Variants in ACOT12 observed in about 807,000 individuals in gnomAD.
ACOT12 encodes acetyl-coenzyme A thioesterase.
A neutral mutation model predicts 67.7 loss-of-function variants in ACOT12; 51 were observed. That is an observed-to-expected ratio of 0.75 (90% CI 0.60 to 0.95). ACOT12 has a LOEUF of 0.95. Among genes scored for constraint, ACOT12 ranks in the 40% least tolerant of loss-of-function variants. The pLI is 0.00. For synonymous variants in ACOT12, 251 were observed against 244.6 expected (o/e 1.03, Z -0.24); for missense variants, 734 against 708.1 (o/e 1.04, Z -0.41).
rs1052582484 is a variant in ACOT12 at position 81,393,915 on chromosome 5, C to CG, written c.127+72_127+73insC. On this transcript the variant is annotated intron_variant, in intron 1 of 14. Coordinates refer to ENST00000307624, the MANE Select transcript of ACOT12 (RefSeq NM_130767.3). ...AAGTACCTTCCTCGCCTTCCTACCC[C>CG]CCCCAGCCCCCAGCCGCCGCCGCTC... is the stretch of plus-strand genomic sequence containing the variant. The CG allele has an allele frequency of 3.2e-6, 4 of 1,268,342 alleles. No individual in the cohort carries two copies. The African/African-American group carries it at 6.3e-5, about 20-fold the overall frequency. 78.6% of individuals were successfully genotyped at this position (1,268,342 alleles called of 1,614,324 possible). A position where few individuals can be genotyped will look rare whatever the true frequency, so the allele number is the denominator to read the frequency against.
chr5:81,351,178 A>G (rs1273083035), intron 5 of ACOT12, among the ~76,000 whole-genome samples: 1 of 152,266 alleles, frequency 6.6e-6, no homozygotes, highest in East Asian at 1.9e-4. Context: ...TGAAAGAAAT[A>G]CACAATCTTA....
At chr5:81,368,084 G>A (rs943037948) in intron 3 of ACOT12, among the ~76,000 whole-genome samples, 1 of 152,136 alleles carries the variant, frequency 6.6e-6, no homozygotes, top group African/African-American at 2.4e-5. Context: ...CTGAGGTCAG[G>A]AGTTCAAGAC....
At chr5:81,312,696 T>C in the ACOT12 span, 4 of 1,501,900 alleles carry the variant, frequency 2.7e-6, no homozygotes, top group Non-Finnish European at 3.7e-6. Flanking sequence ...TACTACCTCA[T>C]TGTTACTTTC....
chr5:81,361,077 C>CA (rs71000820), intron 4 of ACOT12, among the ~76,000 whole-genome samples: 21,634 of 52,070 alleles, frequency 0.42, 4,340 homozygotes, highest in Non-Finnish European at 0.49. Context: ...GACTCCATCT[C>CA]AAAAAAAAAA....
chr5:81,359,561 T>G (rs1389861500), intron 5 of ACOT12, among the ~76,000 whole-genome samples: 1 of 152,216 alleles, frequency 6.6e-6, no homozygotes, highest in East Asian at 1.9e-4. Flanking sequence ...GAGAAACTGC[T>G]TAGTAAGCCA....
At chr5:81,347,713 T>C (rs1248240362) in intron 6 of ACOT12, 61 bp downstream of exon 6, 1 of 1,565,328 alleles carries the variant, frequency 6.4e-7, no homozygotes. Context: ...TGGATCTCAG[T>C]CCCTTTCTAC....
In ACOT12 at chr5:81,334,866, G is replaced by C. The variant is rs115379693; in HGVS notation, c.1262+902C>G. ...CAGGAAAGGGCTGGGGAGTGGAGGA[G>C]ATTGGATTAGGGATGCAGGAGACAG... On this transcript the variant is annotated intron_variant, in intron 12 of 14. Transcript: ENST00000307624. Among the ~76,000 whole-genome samples the C allele has an allele frequency of 7.7e-3, 1,178 of 152,266 alleles. 12 individuals carry two copies. The highest frequency in any genetic ancestry group is 0.027 in the African/African-American group (1,120 of 41,542).
At position 81,331,514 on chromosome 5, in the gene ACOT12, G is replaced by T. The variant is rs562098161; in HGVS notation, c.1392-574C>A. Among the ~76,000 whole-genome samples, 10 of 152,280 alleles carry T rather than the reference G, an allele frequency of 6.6e-5. 1 individual carries two copies. In the South Asian group the frequency reaches 1.9e-3, roughly 28 times the overall value. ...ATTGTGCCATTGCACTCCAGCCTGG[G>T]CAACACATCATCTAAAATAATAATA... On this transcript the variant is annotated intron_variant, in intron 13 of 14. Coordinates refer to ENST00000307624, the MANE Select transcript of ACOT12 (RefSeq NM_130767.3).
In ACOT12 at chr5:81,363,809, G is replaced by A; in HGVS notation, c.339C>T (p.Ala113=). 1 of 1,609,570 alleles carries A rather than the reference G, an allele frequency of 6.2e-7. No homozygotes were observed. Among genetic ancestry groups the A allele is most frequent in the Non-Finnish European group, 8.5e-7 (1 of 1,177,966 alleles). Residue 113 remains alanine, a synonymous_variant, in exon 4 of 15, where the codon GCC becomes GCT. Coordinates refer to ENST00000307624, the MANE Select transcript of ACOT12 (RefSeq NM_130767.3). The part of the protein sequence containing the change: ...LVSVAFSTFV[A]KPVGKEKIHL... Reference sequence around the variant, plus strand: ...TTACCTTTTCTTTTCCAACTGGTTTGGCTACAAATGTGGAGAAAGCCACAC... The same window carrying A: ...TTACCTTTTCTTTTCCAACTGGTTTAGCTACAAATGTGGAGAAAGCCACAC...
the ACOT12 span, among the ~76,000 whole-genome samples, chr5:81,321,284 C>A: frequency 6.6e-6 from 1 of 151,976 alleles, no homozygotes; most frequent in Non-Finnish European, 1.5e-5. Context: ...AAGAAAAAAA[C>A]CAGATAGTGC....
chr5:81,311,216 G>A, the ACOT12 span: 21 of 1,614,012 alleles, frequency 1.3e-5, no homozygotes, highest in African/African-American at 1.2e-4. Context: ...AATAGGTGGC[G>A]GTTGCAAACT....
chr5:81,319,569 T>C, the ACOT12 span, among the ~76,000 whole-genome samples: 1 of 152,132 alleles, frequency 6.6e-6, no homozygotes, highest in South Asian at 2.1e-4. Flanking sequence ...AATACAAAAT[T>C]AGCTGGGCGT....
chr5:81,325,963 C>T (rs1758663303), downstream of ACOT12, among the ~76,000 whole-genome samples: 1 of 151,960 alleles, frequency 6.6e-6, no homozygotes, highest in Admixed American at 6.6e-5. Context: ...GCATGCACCA[C>T]CATGCCTGGT....
intron 5 of ACOT12, among the ~76,000 whole-genome samples, chr5:81,359,314 C>T (rs980894648): frequency 6.6e-6 from 1 of 152,084 alleles, no homozygotes; most frequent in Non-Finnish European, 1.5e-5. Flanking sequence ...CGGGGCTCTG[C>T]CTTTCCCTAC....
intron 6 of ACOT12, among the ~76,000 whole-genome samples, chr5:81,347,320 A>G (rs1759411696): frequency 6.6e-6 from 1 of 152,024 alleles, no homozygotes; most frequent in Admixed American, 6.6e-5. Flanking sequence ...TATGTTTCCC[A>G]AGCTGGTCTT....
In ACOT12 at chr5:81,391,473, C is replaced by T. The variant is rs142446441; in HGVS notation, c.127+2515G>A. Among the ~76,000 whole-genome samples the T allele has an allele frequency of 8.2e-3, 1,242 of 152,252 alleles. 60 individuals are homozygous for T. The highest frequency in any genetic ancestry group is 0.074 in the Admixed American group (1,133 of 15,288). On this transcript the variant is annotated intron_variant, in intron 1 of 14. Transcript: ENST00000307624. ...CCTACTTTTGTTCACTTTTCACCTG[C>T]CTTAAGTCTCTTTTATTTAGTGTTT...
intron 3 of ACOT12, among the ~76,000 whole-genome samples, chr5:81,371,012 C>T (rs546688019): frequency 1.3e-5 from 2 of 152,276 alleles, no homozygotes; most frequent in African/African-American, 4.8e-5. Flanking sequence ...TACCTTCTTA[C>T]TAAAGTCCAG....
intron 7 of ACOT12, 115 bp downstream of exon 7, chr5:81,345,770 A>G (rs1265221126): frequency 2.2e-6 from 3 of 1,372,880 alleles, no homozygotes; most frequent in Non-Finnish European, 3.0e-6. Flanking sequence ...TGAAAATTGC[A>G]TGAAAAAAAT....
chr5:81,349,480 C>T (rs933803445), intron 5 of ACOT12, among the ~76,000 whole-genome samples: 2 of 152,076 alleles, frequency 1.3e-5, no homozygotes, highest in Non-Finnish European at 2.9e-5. Flanking sequence ...CTGCTGTCTA[C>T]GGCAATCCCC....
Sources: allele counts gnomAD v4.1 joint callset (sites outside exome capture counted in the v4.1 genomes callset), GRCh38; gene constraint gnomAD v4.1.1; transcripts MANE v1.5; gene names NCBI Gene and HGNC (gene_info 2026-07-23, HGNC 2026-07-21).